Variants in RASGRF1 observed in about 807,000 individuals in gnomAD.
RASGRF1 encodes ras-specific guanine nucleotide-releasing factor 1.
RASGRF1 carries 40 observed loss-of-function variants against 138.7 expected under a neutral mutation model. The observed-to-expected ratio is 0.29, with a 90% confidence interval of 0.22 to 0.38. RASGRF1 has a LOEUF of 0.38. Ranked by LOEUF, RASGRF1 falls within the 10% of genes least tolerant of loss-of-function variation. The probability of loss-of-function intolerance (pLI) is 1.00; values close to 1 mark genes in which losing one functional copy is unlikely to be tolerated. For synonymous variants in RASGRF1, 614 were observed against 663.2 expected (o/e 0.93, Z 1.14); for missense variants, 1,108 against 1,650.4 (o/e 0.67, Z 5.69).
At chr15:79,042,352 C>T (rs2057307538) in intron 5 of RASGRF1, among the ~76,000 whole-genome samples, 1 of 152,238 alleles carries the variant, frequency 6.6e-6, no homozygotes, top group South Asian at 2.1e-4. Flanking sequence ...AGCAAGTGAG[C>T]TAGCAGCTCC....
At chr15:78,969,214 C>T (rs1384601259) in intron 26 of RASGRF1, among the ~76,000 whole-genome samples, 1 of 152,202 alleles carries the variant, frequency 6.6e-6, no homozygotes, top group African/African-American at 2.4e-5. Context: ...ATCCTCTACC[C>T]CCAAGACCAG....
At chr15:79,018,768 A>T (rs1357363065) in intron 11 of RASGRF1, among the ~76,000 whole-genome samples, 3 of 152,140 alleles carry the variant, frequency 2.0e-5, no homozygotes, top group African/African-American at 7.2e-5. Flanking sequence ...GTCTCTGAGA[A>T]GTGGGTGCCT....
At chr15:79,017,670 T>G in intron 12 of RASGRF1, 100 bp downstream of exon 12, 1 of 1,381,814 alleles carries the variant, frequency 7.2e-7, no homozygotes, top group Admixed American at 2.4e-5. Flanking sequence ...ACAGTGCAGC[T>G]ACTCCACCAC....
chr15:79,048,051 G>A (rs573251481), intron 4 of RASGRF1, among the ~76,000 whole-genome samples: 12 of 152,270 alleles, frequency 7.9e-5, no homozygotes, highest in African/African-American at 1.9e-4. Context: ...AAAATAGAGC[G>A]ATGGGAGGTG....
At chr15:79,059,955 C>G (rs909678936) in intron 2 of RASGRF1, among the ~76,000 whole-genome samples, 7 of 140,034 alleles carry the variant, frequency 5.0e-5, no homozygotes, top group African/African-American at 1.8e-4. Context: ...AGTGTCTCCA[C>G]TGATACACTC....
chr15:79,011,503 G>A (rs2141748351), intron 13 of RASGRF1, among the ~76,000 whole-genome samples: 1 of 152,296 alleles, frequency 6.6e-6, no homozygotes, highest in South Asian at 2.1e-4. Flanking sequence ...TCTTAAGTCA[G>A]CCACCCATTG....
At chr15:79,058,292 G>A in intron 3 of RASGRF1, 42 bp downstream of exon 3, 3 of 1,592,774 alleles carry the variant, frequency 1.9e-6, no homozygotes, top group Non-Finnish European at 1.7e-6. Flanking sequence ...GGTTTGAGAT[G>A]TTGTGCCTAG....
chr15:79,007,971 T>C (rs1382896519), intron 13 of RASGRF1, among the ~76,000 whole-genome samples: 1 of 151,762 alleles, frequency 6.6e-6, no homozygotes, highest in Non-Finnish European at 1.5e-5. Context: ...GCCTCCCGAG[T>C]AGCTGGGATT....
chr15:78,967,726 C>T (rs571924080), intron 26 of RASGRF1, among the ~76,000 whole-genome samples: 27 of 151,940 alleles, frequency 1.8e-4, no homozygotes, highest in African/African-American at 2.7e-4. Context: ...GTCTGTTTTC[C>T]GGCCAACTTT....
At chr15:78,993,077 T>TGTGGGTGGTGTGTGTG (rs2056305546) in intron 20 of RASGRF1, among the ~76,000 whole-genome samples, 1 of 98,144 alleles carries the variant, frequency 1.0e-5, no homozygotes, top group Non-Finnish European at 2.3e-5. Flanking sequence ...GTGTGTGTGG[T>TGTGGGTGGTGTGTGTG]GTGTGGGTGG....
intron 3 of RASGRF1, among the ~76,000 whole-genome samples, chr15:79,055,616 C>T (rs1419654900): frequency 6.6e-6 from 1 of 152,076 alleles, no homozygotes; most frequent in Non-Finnish European, 1.5e-5. Context: ...TCATGACTGA[C>T]CTGCTTTCTG....
Position 78,961,997 on chromosome 15 carries a change from G to T in RASGRF1, c.*147C>A, listed in dbSNP as rs969331265. ...GAAACGGTGCAGAAATTCATATTCC[G>T]GTTCTACAGGAATCTAAGAACAAGG... is the stretch of plus-strand genomic sequence containing the variant. On this transcript the variant is annotated 3_prime_UTR_variant, in exon 27 of 27. Coordinates refer to ENST00000558480, the MANE Select transcript of RASGRF1 (RefSeq NM_001145648.3). The T allele has an allele frequency of 1.1e-5, 7 of 612,740 alleles. No individual in the cohort carries two copies. The highest frequency in any genetic ancestry group is 1.9e-5 in the African/African-American group (1 of 53,812). 38.0% of individuals were successfully genotyped at this position (612,740 alleles called of 1,614,324 possible).
At chr15:78,978,928 A>G in intron 24 of RASGRF1, 4 of 1,275,418 alleles carry the variant, frequency 3.1e-6, no homozygotes, top group Non-Finnish European at 4.1e-6. Flanking sequence ...AGACACTTAC[A>G]CGGGCCCACA....
rs1448330177 is a variant in RASGRF1 at position 78,960,498 on chromosome 15, C to T, written c.*1646G>A. The T allele has an allele frequency of 6.6e-6, 1 of 152,296 alleles. No homozygotes were observed. The highest frequency in any genetic ancestry group is 1.5e-5 in the Non-Finnish European group (1 of 68,160). The allele number at this position is 152,296 out of a possible 1,614,324, so 9.4% of individuals were successfully genotyped here. On this transcript the variant is annotated 3_prime_UTR_variant, in exon 27 of 27. Coordinates refer to ENST00000558480, the MANE Select transcript of RASGRF1 (RefSeq NM_001145648.3). Reference sequence around the variant, plus strand: ...CGTGTGGATGCTCCCATGAACAGCCCCAGTGCAGCCCAGCAGACATCAACA... The same window carrying T: ...CGTGTGGATGCTCCCATGAACAGCCTCAGTGCAGCCCAGCAGACATCAACA...
intron 5 of RASGRF1, among the ~76,000 whole-genome samples, chr15:79,039,346 G>A (rs928312884): frequency 6.9e-6 from 1 of 144,490 alleles, no homozygotes; most frequent in South Asian, 2.2e-4. Flanking sequence ...ATATGCTTAA[G>A]TCTCTTTCTG....
rs143758497 is a variant in RASGRF1 at position 78,960,354 on chromosome 15, C to T, written c.*1790G>A. 3.9e-5 allele frequency: 6 copies of T among 152,592 alleles called. No individual in the cohort carries two copies. The East Asian group carries it at 1.2e-3, about 29-fold the overall frequency. The allele number at this position is 152,592 out of a possible 1,614,324, so 9.5% of individuals were successfully genotyped here. A position where few individuals can be genotyped will look rare whatever the true frequency, so the allele number is the denominator to read the frequency against. ...TTCCCTTCCTGGGTGACAGTGAGGACACATCTGGGCAGGATGGCATCTGGG... is the reference window on the plus strand; with the variant it reads ...TTCCCTTCCTGGGTGACAGTGAGGATACATCTGGGCAGGATGGCATCTGGG... On this transcript the variant is annotated 3_prime_UTR_variant, in exon 27 of 27. Coordinates refer to ENST00000558480, the MANE Select transcript of RASGRF1 (RefSeq NM_001145648.3).
rs1328146328 is a variant in RASGRF1, at chr15:79,046,231, T to C, written c.878+515A>G. Among the ~76,000 whole-genome samples the C allele has an allele frequency of 6.6e-6, 1 of 152,254 alleles. No individual in the cohort carries two copies. The highest frequency in any genetic ancestry group is 1.5e-5 in the Non-Finnish European group (1 of 68,040). ...TTTCAACCTGGCCTCCAGGTCATTA[T>C]GATGGTATCAAGGTCAAAGAATAAG... On this transcript the variant is annotated intron_variant, in intron 5 of 26. Coordinates refer to ENST00000558480, the MANE Select transcript of RASGRF1 (RefSeq NM_001145648.3). This position sits in a 1 kb window ranked among gnomAD's most constrained non-coding sequence, Gnocchi z 5.3.
At chr15:78,989,874 G>A (rs182517030) in intron 22 of RASGRF1, among the ~76,000 whole-genome samples, 1 of 152,256 alleles carries the variant, frequency 6.6e-6, no homozygotes, top group Admixed American at 6.5e-5. Context: ...ACCCTGCTCC[G>A]AGGAGTAACC....
At chr15:78,983,016 G>A in intron 23 of RASGRF1, among the ~76,000 whole-genome samples, 1 of 152,216 alleles carries the variant, frequency 6.6e-6, no homozygotes, top group East Asian at 1.9e-4. Context: ...ATGCTTTTCT[G>A]CTATGGTGAG....
Sources: allele counts gnomAD v4.1 joint callset (sites outside exome capture counted in the v4.1 genomes callset), GRCh38; gene constraint gnomAD v4.1.1; non-coding constraint Gnocchi (gnomAD v3.1); transcripts MANE v1.5; gene names NCBI Gene and HGNC (gene_info 2026-07-23, HGNC 2026-07-21).